Variants in TMPRSS13 observed in about 807,000 individuals in gnomAD.
TMPRSS13 encodes transmembrane serine protease 13, also known as transmembrane protease serine 13.
In TMPRSS13, 50 loss-of-function variants were observed where a neutral mutation model predicts 68.4. The observed-to-expected ratio is 0.73, with a 90% CI of 0.58 to 0.93. TMPRSS13 has a LOEUF of 0.93. TMPRSS13 is among the 40% of genes least tolerant of loss of function. The pLI is 0.00. For missense variants in TMPRSS13, 615 were observed against 729.2 expected (o/e 0.84, Z 1.80); for synonymous variants, 267 against 285.8 (o/e 0.93, Z 0.66).
At chr11:117,916,808 T>C (rs2057582149) in intron 3 of TMPRSS13, among the ~76,000 whole-genome samples, 2 of 152,194 alleles carry the variant, frequency 1.3e-5, no homozygotes, top group African/African-American at 4.8e-5. Flanking sequence ...TCTAATGAAG[T>C]TGGAATGAGA....
Position 117,914,435 on chromosome 11 carries a change from G to C in TMPRSS13, c.636C>G (p.Asp212Glu), listed in dbSNP as rs376048907. 2 of 1,613,978 alleles carry C rather than the reference G, an allele frequency of 1.2e-6. No individual in the cohort carries two copies. The highest frequency in any genetic ancestry group is 1.7e-6 in the Non-Finnish European group (2 of 1,180,004). The change falls in exon 4 of 13, where the codon GAC becomes GAG. Residue 212 changes from aspartate (D) to glutamate (E), a missense_variant. Coordinates refer to ENST00000524993, the MANE Select transcript of TMPRSS13 (RefSeq NM_001077263.3). This position sits in a 1 kb window ranked among gnomAD's most constrained non-coding sequence, Gnocchi z 4.2. ...ESCPKHAVRC[D>E]GVVDCKLKSD... The stretch of plus-strand genomic sequence containing the variant: ...TCTTCAGCTTGCAGTCCACCACCCC[G>C]TCACAGCGAACAGCGTGCTTGGGAC...
rs2057505754 is a variant in TMPRSS13, at chr11:117,909,984, A to G, written c.947-16T>C. On this transcript the variant is annotated splice_polypyrimidine_tract_variant and intron_variant, in intron 7 of 12. Coordinates refer to ENST00000524993, the MANE Select transcript of TMPRSS13 (RefSeq NM_001077263.3). ...AGTCCGCAGTCTGGAGGGAAGGAGT[A>G]GACGTACTGTGAACCCTGTTTCTCC... is the stretch of plus-strand genomic sequence containing the variant. 1 of 1,609,302 alleles carries G rather than the reference A, an allele frequency of 6.2e-7. No homozygotes were observed. Among genetic ancestry groups the G allele is most frequent in the Non-Finnish European group, 8.5e-7 (1 of 1,176,062 alleles).
In TMPRSS13 at chr11:117,900,676, C is replaced by T. The variant is rs1350848980; in HGVS notation, c.*1563G>A. 2.6e-5 allele frequency: 4 copies of T among 152,240 alleles called. No homozygotes were observed. Among genetic ancestry groups the T allele is most frequent in the South Asian group, 2.1e-4 (1 of 4,836 alleles). 9.4% of individuals were successfully genotyped at this position (152,240 alleles called of 1,614,324 possible). On this transcript the variant is annotated 3_prime_UTR_variant, in exon 13 of 13. Transcript: ENST00000524993. ...CACAACTTTTATTGCTGAAGACCAT[C>T]GCTGGCGGCTGCTGCAGACAGGAAT...
At chr11:117,911,039 G>C (rs1397622524) in intron 6 of TMPRSS13, among the ~76,000 whole-genome samples, 2 of 152,214 alleles carry the variant, frequency 1.3e-5, no homozygotes, top group Non-Finnish European at 2.9e-5. Flanking sequence ...TTCGAACTTA[G>C]GACTTCATTG....
Position 117,922,266 on chromosome 11 carries a change from C to T in TMPRSS13, c.22-3428G>A, listed in dbSNP as rs2057656524. 6.6e-6 allele frequency among the ~76,000 whole-genome samples: 1 copy of T among 152,164 alleles called. No homozygotes were observed. The highest frequency in any genetic ancestry group is 6.5e-5 in the Admixed American group (1 of 15,284). The stretch of plus-strand genomic sequence containing the variant: ...GTTTGTTTGCTTTGAGACAGAGTCT[C>T]ACTCTGTCGCCAGGCTGGAGTACAG... On this transcript the variant is annotated intron_variant, in intron 1 of 12. Coordinates refer to ENST00000524993, the MANE Select transcript of TMPRSS13 (RefSeq NM_001077263.3). The surrounding 1 kb of genome is among the most constrained non-coding windows in gnomAD (Gnocchi z 4.2).
At chr11:117,916,581 C>T (rs1175271581) in intron 3 of TMPRSS13, among the ~76,000 whole-genome samples, 1 of 152,240 alleles carries the variant, frequency 6.6e-6, no homozygotes, top group Non-Finnish European at 1.5e-5. Context: ...GTGCTGGGCT[C>T]ATAGTGGACC....
In TMPRSS13 at chr11:117,902,141, C is replaced by T. The variant is rs1305304329; in HGVS notation, c.*98G>A. 6 of 1,374,656 alleles carry T rather than the reference C, an allele frequency of 4.4e-6. No homozygotes were observed. The highest frequency in any genetic ancestry group is 5.1e-6 in the Non-Finnish European group (5 of 979,018). 85.2% of individuals were successfully genotyped at this position (1,374,656 alleles called of 1,614,324 possible). A position where few individuals can be genotyped will look rare whatever the true frequency, so the allele number is the denominator to read the frequency against. On this transcript the variant is annotated 3_prime_UTR_variant, in exon 13 of 13. Coordinates refer to ENST00000524993, the MANE Select transcript of TMPRSS13 (RefSeq NM_001077263.3). Reference sequence around the variant, plus strand: ...CAGTGGAGGTGGGAGTCCGATGGTGCCCGGTGGCCATTAGCCCAGATGATG... The same window carrying T: ...CAGTGGAGGTGGGAGTCCGATGGTGTCCGGTGGCCATTAGCCCAGATGATG...
chr11:117,918,390 C>T lies in TMPRSS13; in HGVS notation c.451+19G>A, dbSNP rs1301024090. 6.2e-7 allele frequency: 1 copy of T among 1,609,874 alleles called. No individual in the cohort carries two copies. Among genetic ancestry groups the T allele is most frequent in the Non-Finnish European group, 8.5e-7 (1 of 1,176,748 alleles). On this transcript the variant is annotated intron_variant, in intron 2 of 12. Coordinates refer to ENST00000524993, the MANE Select transcript of TMPRSS13 (RefSeq NM_001077263.3). ...GCTGCTTCCCATCTCTCGTGGCTTCCCTACAGCATCCCCCTTACCTGGGCT... is the reference window on the plus strand; with the variant it reads ...GCTGCTTCCCATCTCTCGTGGCTTCTCTACAGCATCCCCCTTACCTGGGCT...
chr11:117,903,922 G>A, intron 11 of TMPRSS13, 37 bp downstream of exon 11: 3 of 1,604,454 alleles, frequency 1.9e-6, no homozygotes, highest in Non-Finnish European at 2.6e-6. Context: ...CATCCCCAGG[G>A]TGCTGGGACC....
In TMPRSS13 at chr11:117,908,866, A is replaced by G. The variant is rs1465204833; in HGVS notation, c.1110-82T>C. 9 of 1,379,960 alleles carry G rather than the reference A, an allele frequency of 6.5e-6. No homozygotes were observed. The East Asian group carries it at 1.2e-4, about 19-fold the overall frequency. The allele number at this position is 1,379,960 out of a possible 1,614,324, so 85.5% of individuals were successfully genotyped here. A position where few individuals can be genotyped will look rare whatever the true frequency, so the allele number is the denominator to read the frequency against. On this transcript the variant is annotated intron_variant, in intron 8 of 12. Transcript: ENST00000524993. Reference sequence around the variant, plus strand: ...GCCCCTGCTACCTACAGGGAGCCACAGTCAGAGCACCAGCTTGGAGGCAGG... The same window carrying G: ...GCCCCTGCTACCTACAGGGAGCCACGGTCAGAGCACCAGCTTGGAGGCAGG...
At chr11:117,910,795 C>T in intron 6 of TMPRSS13, 45 bp from the exon 7 acceptor site, 2 of 1,566,556 alleles carry the variant, frequency 1.3e-6, no homozygotes, top group Non-Finnish European at 8.7e-7. Flanking sequence ...ACATTAGCTA[C>T]CTCCTCCAGG....
Position 117,902,157 on chromosome 11 carries a change from C to T in TMPRSS13, c.*82G>A, listed in dbSNP as rs2057415149. 5 of 1,544,478 alleles carry T rather than the reference C, an allele frequency of 3.2e-6. No individual in the cohort carries two copies. Among genetic ancestry groups the T allele is most frequent in the East Asian group, 2.3e-5 (1 of 44,084 alleles). ...CCGATGGTGCCCGGTGGCCATTAGC[C>T]CAGATGATGCCACACATGGCCAGTC... On this transcript the variant is annotated 3_prime_UTR_variant, in exon 13 of 13. Transcript: ENST00000524993.
intron 9 of TMPRSS13, chr11:117,907,434 G>T (rs931802826): frequency 1.3e-5 from 2 of 152,284 alleles, no homozygotes; most frequent in Non-Finnish European, 2.9e-5. Flanking sequence ...CCACTCTGAT[G>T]ATCTAACTGC....
intron 9 of TMPRSS13, chr11:117,908,258 A>G: frequency 1.9e-6 from 1 of 535,268 alleles, no homozygotes; most frequent in South Asian, 4.1e-5. Context: ...TGTGAAGAGT[A>G]AATGAAATCA....
chr11:117,908,929 C>G, intron 8 of TMPRSS13, 145 bp from the exon 9 acceptor site: 3 of 773,496 alleles, frequency 3.9e-6, no homozygotes, highest in Non-Finnish European at 6.1e-6. Context: ...AACCCTCTAT[C>G]TTATCCCTGG....
In TMPRSS13 at chr11:117,914,605, C is replaced by G; in HGVS notation, c.557-91G>C. On this transcript the variant is annotated intron_variant, in intron 3 of 12. Coordinates refer to ENST00000524993, the MANE Select transcript of TMPRSS13 (RefSeq NM_001077263.3). This position sits in a 1 kb window ranked among gnomAD's most constrained non-coding sequence, Gnocchi z 4.2. Reference sequence around the variant, plus strand: ...CAAGGACCTGGGGGTTCTGAGACACCGACCTGCAATCCCTCTTGAACTCTG... The same window carrying G: ...CAAGGACCTGGGGGTTCTGAGACACGGACCTGCAATCCCTCTTGAACTCTG... 2 of 1,571,760 alleles carry G rather than the reference C, an allele frequency of 1.3e-6. No individual in the cohort carries two copies. Among genetic ancestry groups the G allele is most frequent in the Non-Finnish European group, 1.7e-6 (2 of 1,163,146 alleles).
intron 9 of TMPRSS13, chr11:117,908,405 G>T: frequency 3.2e-6 from 2 of 630,228 alleles, no homozygotes; most frequent in Non-Finnish European, 5.5e-6. Flanking sequence ...TGTGTCATTT[G>T]GAGCAAACTT....
At position 117,902,005 on chromosome 11, in the gene TMPRSS13, A is replaced by C; in HGVS notation, c.*234T>G. The C allele has an allele frequency of 1.7e-6, 1 of 591,672 alleles. No homozygotes were observed. Among genetic ancestry groups the C allele is most frequent in the Non-Finnish European group, 3.0e-6 (1 of 330,072 alleles). 36.7% of individuals were successfully genotyped at this position (591,672 alleles called of 1,614,324 possible). ...GTCTCCAGGTAATTTCCAGCCTGGG[A>C]TTTTGAGAAGAGTTGACAGCTCTGC... On this transcript the variant is annotated 3_prime_UTR_variant, in exon 13 of 13. Transcript: ENST00000524993.
intron 1 of TMPRSS13, among the ~76,000 whole-genome samples, chr11:117,923,234 C>T (rs899640148): frequency 2.0e-5 from 3 of 152,252 alleles, no homozygotes; most frequent in Non-Finnish European, 4.4e-5. Context: ...CCCCCACTTC[C>T]AGCCCAGGGG....
Sources: allele counts gnomAD v4.1 joint callset (sites outside exome capture counted in the v4.1 genomes callset), GRCh38; gene constraint gnomAD v4.1.1; non-coding constraint Gnocchi (gnomAD v3.1); transcripts MANE v1.5; gene names NCBI Gene and HGNC (gene_info 2026-07-23, HGNC 2026-07-21).